The following PXDNL variants were observed in gnomAD, a reference collection of about 807,000 sequenced individuals.
PXDNL encodes the protein probable oxidoreductase PXDNL.
Under a neutral mutation model 150.8 loss-of-function variants are expected in PXDNL, and 145 were observed. The observed-to-expected ratio is 0.96, with a 90% CI of 0.84 to 1.10. The LOEUF (loss-of-function observed/expected upper bound fraction) is 1.10. Among genes scored for constraint, PXDNL ranks in the 50% least tolerant of loss-of-function variants. The pLI, the probability that PXDNL is intolerant of heterozygous loss-of-function variation, is 0.00. For missense variants in PXDNL, 2,087 were observed against 1,873.9 expected (o/e 1.11, Z -2.10); for synonymous variants, 757 against 725.7 (o/e 1.04, Z -0.69).
intron 2 of PXDNL, among the ~76,000 whole-genome samples, chr8:51,649,389 T>C (rs1814988670): frequency 6.6e-6 from 1 of 152,234 alleles, no homozygotes; most frequent in African/African-American, 2.4e-5. Context: ...CCTGTAATTA[T>C]AACAATTTTC....
intron 1 of PXDNL, among the ~76,000 whole-genome samples, chr8:51,659,857 G>GTATGTATT: frequency 6.8e-6 from 1 of 146,036 alleles, no homozygotes; most frequent in Admixed American, 6.8e-5. Flanking sequence ...ACAAATTGCA[G>GTATGTATT]TATTTATTTA....
chr8:51,772,586 G>A (rs1010350021), intron 1 of PXDNL, among the ~76,000 whole-genome samples: 4 of 152,260 alleles, frequency 2.6e-5, no homozygotes, highest in African/African-American at 7.2e-5. Context: ...GGGGGAATTC[G>A]TTCAGAGCAG....
intron 1 of PXDNL, among the ~76,000 whole-genome samples, chr8:51,756,417 GAGAA>G (rs2037102754): frequency 2.7e-5 from 4 of 148,142 alleles, no homozygotes; most frequent in Non-Finnish European, 6.0e-5. Context: ...AGGAAAGAAA[GAGAA>G]AGAGAGAAAG....
At chr8:51,414,740 T>C (rs1808748630) in intron 14 of PXDNL, among the ~76,000 whole-genome samples, 1 of 152,138 alleles carries the variant, frequency 6.6e-6, no homozygotes. Flanking sequence ...ATATTTGCAA[T>C]CTCAAACTCT....
intron 1 of PXDNL, among the ~76,000 whole-genome samples, chr8:51,665,914 A>G (rs1815375913): frequency 1.3e-5 from 2 of 152,356 alleles, no homozygotes; most frequent in South Asian, 4.1e-4. Context: ...AATAGTCTGG[A>G]ACTGTCAACT....
At chr8:51,531,160 A>G (rs1811893209) in intron 4 of PXDNL, among the ~76,000 whole-genome samples, 1 of 152,190 alleles carries the variant, frequency 6.6e-6, no homozygotes, top group African/African-American at 2.4e-5. Context: ...AATCTCCCCA[A>G]CAAATGCCCC....
At position 51,771,912 on chromosome 8, in the gene PXDNL, T is replaced by C. The variant is rs2037299573; in HGVS notation, c.164+37269A>G. Reference sequence around the variant, plus strand: ...CCCTCTCCTCCAGCTGTGGCACTGATATATATCTGCGAGGTTCTCTGACAC... The same window carrying C: ...CCCTCTCCTCCAGCTGTGGCACTGACATATATCTGCGAGGTTCTCTGACAC... On this transcript the variant is annotated intron_variant, in intron 1 of 22. Transcript: ENST00000356297. 2.0e-5 allele frequency among the ~76,000 whole-genome samples: 3 copies of C among 151,954 alleles called. No individual in the cohort carries two copies. In the South Asian group the frequency reaches 6.2e-4, roughly 32 times the overall value.
intron 2 of PXDNL, among the ~76,000 whole-genome samples, chr8:51,608,002 GAAGAAAGAAAGAAAGAAAGAAAGA>G (rs71237219): frequency 4.6e-5 from 3 of 64,634 alleles, no homozygotes; most frequent in Admixed American, 3.4e-4. Context: ...AGGAAGGAAG[GAAGAAAGAAAGAAAGAAAGAAAGA>G]AAGAAAGAAA....
At chr8:51,340,385 T>C (rs1432507180) in intron 20 of PXDNL, among the ~76,000 whole-genome samples, 2 of 152,236 alleles carry the variant, frequency 1.3e-5, no homozygotes, top group Non-Finnish European at 2.9e-5. Context: ...ATGAAAGTTC[T>C]TTCTATTTAC....
At chr8:51,629,563 C>T (rs536201353) in intron 2 of PXDNL, among the ~76,000 whole-genome samples, 1 of 152,248 alleles carries the variant, frequency 6.6e-6, no homozygotes, top group East Asian at 1.9e-4. Flanking sequence ...ATCTGAACAT[C>T]CAAGAAGTTC....
In PXDNL at chr8:51,372,007, A is replaced by C. The variant is rs1160622670; in HGVS notation, c.3767T>G (p.Val1256Gly). Reference protein sequence around the residue: ...TQLKQASLSRVLCDNGDSIQQ... With the variant: ...TQLKQASLSRGLCDNGDSIQQ... ...AATGCTGTCACCATTGTCACAAAGC[A>C]CCCGGCTCAGGGACGCCTGCTTCAG... Residue 1256 changes from valine to glycine, a missense_variant, in exon 19 of 23, where the codon GTG becomes GGG. By Grantham distance (109) the Val-to-Gly change is moderately radical. Coordinates refer to ENST00000356297, the MANE Select transcript of PXDNL (RefSeq NM_144651.5). 4.0e-5 allele frequency: 64 copies of C among 1,612,674 alleles called. No homozygotes were observed. The highest frequency in any genetic ancestry group is 5.3e-5 in the Non-Finnish European group (62 of 1,179,486).
intron 4 of PXDNL, among the ~76,000 whole-genome samples, chr8:51,521,916 G>A (rs28716528): frequency 1.1e-3 from 160 of 152,268 alleles, no homozygotes; most frequent in African/African-American, 3.7e-3. Flanking sequence ...TCTACACCCA[G>A]TGAAGTTGAC....
chr8:51,529,853 G>A (rs1382935634), intron 4 of PXDNL, among the ~76,000 whole-genome samples: 1 of 152,180 alleles, frequency 6.6e-6, no homozygotes, highest in African/African-American at 2.4e-5. Flanking sequence ...CAGGCACTAT[G>A]GATGTTTGTG....
intron 1 of PXDNL, among the ~76,000 whole-genome samples, chr8:51,807,208 C>T (rs1166215752): frequency 1.3e-5 from 2 of 152,174 alleles, no homozygotes; most frequent in Non-Finnish European, 2.9e-5. Flanking sequence ...AGAAGTACAG[C>T]AACTTTTGCT....
intron 5 of PXDNL, among the ~76,000 whole-genome samples, chr8:51,497,693 T>C (rs888373686): frequency 1.6e-4 from 25 of 152,308 alleles, no homozygotes; most frequent in Non-Finnish European, 3.1e-4. Context: ...CTCATCATCA[T>C]TGGCCATCAG....
chr8:51,506,966 A>G (rs1811309040), intron 4 of PXDNL, among the ~76,000 whole-genome samples: 1 of 152,098 alleles, frequency 6.6e-6, no homozygotes, highest in Non-Finnish European at 1.5e-5. Flanking sequence ...GTGTTTTCTC[A>G]CCCATTTAAG....
intron 1 of PXDNL, among the ~76,000 whole-genome samples, chr8:51,655,957 C>T (rs1815140598): frequency 6.6e-6 from 1 of 152,166 alleles, no homozygotes; most frequent in Non-Finnish European, 1.5e-5. Flanking sequence ...AGATCCCTGA[C>T]ACCAGATGCT....
At chr8:51,489,172 C>G (rs1810836446) in intron 5 of PXDNL, among the ~76,000 whole-genome samples, 1 of 151,916 alleles carries the variant, frequency 6.6e-6, no homozygotes, top group Non-Finnish European at 1.5e-5. Flanking sequence ...GAAGAGAAGA[C>G]AGAAAGAATA....
At chr8:51,352,678 C>A (rs1380189242) in intron 19 of PXDNL, among the ~76,000 whole-genome samples, 1 of 152,154 alleles carries the variant, frequency 6.6e-6, no homozygotes, top group Non-Finnish European at 1.5e-5. Context: ...AACTGTGAGT[C>A]AGAAACCCTC....
Sources: gnomAD v4.1 joint callset for allele counts (sites outside exome capture counted in the v4.1 genomes callset) on GRCh38, gnomAD v4.1.1 for gene constraint, MANE v1.5 for transcripts, NCBI Gene and HGNC (gene_info 2026-07-23, HGNC 2026-07-21) for gene names.